The following HMGB1 variants were observed in gnomAD, a reference collection of about 807,000 sequenced individuals.
HMGB1 encodes the protein high mobility group box 1.
For missense variants in HMGB1, 79 were observed against 253.5 expected (o/e 0.31, Z 4.67); for synonymous variants, 81 against 84.0 (o/e 0.96, Z 0.19).
chr13:30,522,973 CAA>C (rs1888274404), intron 1 of HMGB1, among the ~76,000 whole-genome samples: 1 of 151,980 alleles, frequency 6.6e-6, no homozygotes, highest in African/African-American at 2.4e-5. Flanking sequence ...CTCGGCCTCC[CAA>C]AGTGTTGGGA....
intron 1 of HMGB1, chr13:30,465,199 C>CGCT: frequency 1.2e-6 from 1 of 842,310 alleles, no homozygotes; most frequent in Non-Finnish European, 1.4e-6. Flanking sequence ...GCCCGGCCGC[C>CGCT]GCCGCCGCCG....
intron 1 of HMGB1, among the ~76,000 whole-genome samples, chr13:30,593,332 T>TC (rs1251175277): frequency 1.3e-5 from 2 of 152,330 alleles, no homozygotes; most frequent in East Asian, 1.9e-4. Context: ...TTCTTTGTAT[T>TC]CCCAGGTACC....
chr13:30,489,514 T>C (rs988803934), intron 1 of HMGB1, among the ~76,000 whole-genome samples: 1 of 152,194 alleles, frequency 6.6e-6, no homozygotes, highest in Non-Finnish European at 1.5e-5. Context: ...ATTTTTAACT[T>C]ACTCATTTTA....
intron 1 of HMGB1, among the ~76,000 whole-genome samples, chr13:30,471,336 TG>T (rs982005521): frequency 6.6e-6 from 1 of 152,060 alleles, no homozygotes; most frequent in African/African-American, 2.4e-5. Context: ...TTGGTTTTTT[TG>T]TTTTTTTGTT....
intron 1 of HMGB1, among the ~76,000 whole-genome samples, chr13:30,507,233 C>G (rs988370174): frequency 1.3e-5 from 2 of 152,192 alleles, no homozygotes; most frequent in Non-Finnish European, 2.9e-5. Context: ...TCTAATTTGG[C>G]CACTTCCTGC....
At chr13:30,472,480 A>C (rs1474302213) in intron 1 of HMGB1, among the ~76,000 whole-genome samples, 1 of 152,060 alleles carries the variant, frequency 6.6e-6, no homozygotes, top group East Asian at 1.9e-4. Flanking sequence ...GCACACCTGT[A>C]CTCCCAGCTA....
chr13:30,478,389 A>G (rs1234794980), intron 1 of HMGB1, among the ~76,000 whole-genome samples: 4 of 152,212 alleles, frequency 2.6e-5, no homozygotes, highest in Non-Finnish European at 5.9e-5. Flanking sequence ...TTGCAGCATT[A>G]TTTATAATGT....
At chr13:30,510,206 T>G (rs973115180) in intron 1 of HMGB1, among the ~76,000 whole-genome samples, 1 of 152,190 alleles carries the variant, frequency 6.6e-6, no homozygotes, top group Admixed American at 6.5e-5. Context: ...ACATAATATA[T>G]CCTCAACAAG....
At chr13:30,521,681 T>C (rs1292438361) in intron 1 of HMGB1, among the ~76,000 whole-genome samples, 1 of 152,252 alleles carries the variant, frequency 6.6e-6, no homozygotes, top group Non-Finnish European at 1.5e-5. Context: ...TAAGCATTCA[T>C]GTACAAGATT....
chr13:30,505,354 AT>A (rs1046147654), intron 1 of HMGB1, among the ~76,000 whole-genome samples: 4 of 151,876 alleles, frequency 2.6e-5, no homozygotes, highest in Non-Finnish European at 5.9e-5. Flanking sequence ...AATTTTTTGT[AT>A]TTTTAGTAGA....
Position 30,553,684 on chromosome 13 carries a change from T to C in HMGB1, c.-15+62987A>G, listed in dbSNP as rs577418836. The C allele has an allele frequency of 9.7e-4, 822 of 844,406 alleles. 3 individuals are homozygous for C. The highest frequency in any genetic ancestry group is 1.3e-3 in the Non-Finnish European group (648 of 498,658). The allele number at this position is 844,406 out of a possible 1,614,324, so 52.3% of individuals were successfully genotyped here. A position where few individuals can be genotyped will look rare whatever the true frequency, so the allele number is the denominator to read the frequency against. Reference sequence around the variant, plus strand: ...TTTGTCCCAGCCATGCCCACCATCATTGAGCGGGAGTTCAAGGAGTTGGAT... The same window carrying C: ...TTTGTCCCAGCCATGCCCACCATCACTGAGCGGGAGTTCAAGGAGTTGGAT... On this transcript the variant is annotated intron_variant, in intron 1 of 4. Transcript: ENST00000405805.
At chr13:30,526,863 A>G (rs1000951364) in intron 1 of HMGB1, among the ~76,000 whole-genome samples, 16 of 152,218 alleles carry the variant, frequency 1.1e-4, no homozygotes, top group African/African-American at 3.6e-4. Flanking sequence ...AAGTGTTCTA[A>G]TGATTTAGCA....
In HMGB1 at chr13:30,604,921, G is replaced by T. The variant is rs944964203; in HGVS notation, c.-15+11750C>A. Among the ~76,000 whole-genome samples the T allele has an allele frequency of 3.3e-5, 5 of 152,180 alleles. No individual in the cohort carries two copies. In the East Asian group the frequency reaches 9.6e-4, roughly 29 times the overall value. On this transcript the variant is annotated intron_variant, in intron 1 of 4. Coordinates refer to the HMGB1 transcript ENST00000405805. ...GATCCACCCACCTCGGCCTCCCAAAGTGCTGGGATTGCAGGCGTGAGCCAC... is the reference window on the plus strand; with the variant it reads ...GATCCACCCACCTCGGCCTCCCAAATTGCTGGGATTGCAGGCGTGAGCCAC...
At chr13:30,606,527 C>A (rs1950460265) in intron 1 of HMGB1, among the ~76,000 whole-genome samples, 1 of 152,050 alleles carries the variant, frequency 6.6e-6, no homozygotes, top group Non-Finnish European at 1.5e-5. Context: ...AAATTTCTTC[C>A]CTGATTAGCA....
At chr13:30,551,069 TCCC>T (rs1209295596) in intron 1 of HMGB1, among the ~76,000 whole-genome samples, 1 of 151,966 alleles carries the variant, frequency 6.6e-6, no homozygotes, top group Non-Finnish European at 1.5e-5. Flanking sequence ...ACAACATATT[TCCC>T]CCGAGTATCA....
At chr13:30,602,183 C>T (rs1024292312) in intron 1 of HMGB1, among the ~76,000 whole-genome samples, 6 of 151,692 alleles carry the variant, frequency 4.0e-5, no homozygotes, top group Admixed American at 6.6e-5. Context: ...ACCAGCACCA[C>T]GGCCTCAGAC....
rs1169291356 is a variant in HMGB1 at position 30,465,014 on chromosome 13, C to T, written c.-15+782G>A. 3.4e-5 allele frequency: 9 copies of T among 261,222 alleles called. No individual in the cohort carries two copies. The East Asian group carries it at 1.5e-3, about 44-fold the overall frequency. 16.2% of individuals were successfully genotyped at this position (261,222 alleles called of 1,614,324 possible). ...TCTCCCTCCGCGCGGGCCGCGCGCC[C>T]CGCCGCCCCCGCACGGAGAACGCGG... is the stretch of plus-strand genomic sequence containing the variant. On this transcript the variant is annotated intron_variant, in intron 1 of 4. Coordinates refer to ENST00000341423, the MANE Select transcript of HMGB1 (RefSeq NM_002128.7).
intron 1 of HMGB1, among the ~76,000 whole-genome samples, chr13:30,613,316 C>G (rs1950530071): frequency 6.6e-6 from 1 of 152,060 alleles, no homozygotes; most frequent in Non-Finnish European, 1.5e-5. Context: ...AGCCACTGTG[C>G]CTAGCCTTAC....
chr13:30,514,292 G>C (rs1316343472), intron 1 of HMGB1, among the ~76,000 whole-genome samples: 2 of 151,354 alleles, frequency 1.3e-5, no homozygotes, highest in Non-Finnish European at 2.9e-5. Context: ...CTGCAGTAGG[G>C]GTTTAGAGCT....
Sources: gnomAD v4.1 joint callset for allele counts (sites outside exome capture counted in the v4.1 genomes callset) on GRCh38, gnomAD v4.1.1 for gene constraint, MANE v1.5 for transcripts, NCBI Gene and HGNC (gene_info 2026-07-23, HGNC 2026-07-21) for gene names.